Variants in GABRB3 observed in about 807,000 individuals in gnomAD.
The protein encoded by GABRB3 is gamma-aminobutyric acid receptor subunit beta-3.
GABRB3 carries 14 observed loss-of-function variants against 52.1 expected under a neutral mutation model. The ratio of observed to expected loss-of-function variants is 0.27; its 90% confidence interval spans 0.18 to 0.42. GABRB3 has a LOEUF of 0.42. GABRB3 is among the 10% of genes least tolerant of loss of function. GABRB3 has a pLI of 1.00. For missense variants in GABRB3, 307 were observed against 609.1 expected, an observed-to-expected ratio of 0.50 and a Z score of 5.22; for synonymous variants, 260 against 232.3, an observed-to-expected ratio of 1.12 and a Z score of -1.08.
chr15:26,711,530 A>G (rs981911053), intron 3 of GABRB3, among the ~76,000 whole-genome samples: 1 of 152,166 alleles, frequency 6.6e-6, no homozygotes. Flanking sequence ...TGTGTGCATG[A>G]GAGTGATTTT....
At chr15:26,618,090 C>T (rs1171207633) in intron 4 of GABRB3, among the ~76,000 whole-genome samples, 1 of 152,064 alleles carries the variant, frequency 6.6e-6, no homozygotes, top group Non-Finnish European at 1.5e-5. Flanking sequence ...GCCATACTGC[C>T]CAAGGTAATT....
chr15:26,738,072 G>C (rs1262116291), intron 3 of GABRB3, among the ~76,000 whole-genome samples: 1 of 151,772 alleles, frequency 6.6e-6, no homozygotes, highest in Admixed American at 6.6e-5. Context: ...TTTTTTTGTT[G>C]TCGTTGTTCT....
At chr15:26,763,312 A>C (rs577336791) in intron 3 of GABRB3, among the ~76,000 whole-genome samples, 22 of 152,264 alleles carry the variant, frequency 1.4e-4, no homozygotes, top group African/African-American at 4.6e-4. Flanking sequence ...GTTACGGTTA[A>C]TTTTTATGGG....
At chr15:26,744,331 G>A (rs1192312401) in intron 3 of GABRB3, among the ~76,000 whole-genome samples, 1 of 152,026 alleles carries the variant, frequency 6.6e-6, no homozygotes, top group African/African-American at 2.4e-5. Context: ...TTTTGGTTTT[G>A]TAATTTTTAA....
intron 3 of GABRB3, chr15:26,656,987 C>T (rs1158471601): frequency 6.6e-6 from 1 of 152,152 alleles, no homozygotes; most frequent in Non-Finnish European, 1.5e-5. Context: ...AAAGTAGCAC[C>T]CTTCCTTTCT....
rs746262322 is a variant in GABRB3, at chr15:26,772,429, G to A, written c.213C>T (p.Ser71=). Residue 71 remains serine (S), a synonymous_variant, in exon 3 of 9, where the codon AGC becomes AGT. Coordinates refer to ENST00000311550, the MANE Select transcript of GABRB3 (RefSeq NM_000814.6). ...VCVGMNIDIA[S]IDMVSEVNMD... ...TGTTGACTTCGGAAACCATGTCGATGCTGGCGATGTCGATGTTCATCCCCA... is the reference window on the plus strand; with the variant it reads ...TGTTGACTTCGGAAACCATGTCGATACTGGCGATGTCGATGTTCATCCCCA... 1.2e-6 allele frequency: 2 copies of A among 1,610,790 alleles called. No individual in the cohort carries two copies. Among genetic ancestry groups the A allele is most frequent in the Non-Finnish European group, 1.7e-6 (2 of 1,178,472 alleles).
intron 3 of GABRB3, among the ~76,000 whole-genome samples, chr15:26,732,296 GGA>G (rs1889946246): frequency 4.7e-5 from 2 of 42,666 alleles, no homozygotes; most frequent in African/African-American, 3.4e-4. Context: ...ATGGATAGAT[GGA>G]TGGATGGATG....
Position 26,772,944 on chromosome 15 carries a change from C to A in GABRB3, c.19G>T (p.Gly7Ter). The A allele has an allele frequency of 6.8e-7, 1 of 1,478,156 alleles. No homozygotes were observed. The highest frequency in any genetic ancestry group is 3.0e-5 in the East Asian group (1 of 33,200). The allele number at this position is 1,478,156 out of a possible 1,614,324, so 91.6% of individuals were successfully genotyped here. The part of the protein sequence containing the change: MWGLAG[G>*]RLFGIFSAPV... ...GCCGAGAAGATGCCGAAAAGCCTTC[C>A]TCCCGCAAGGCCCCACATCCCTCCG... The change falls in exon 1 of 9, where the codon GGA (glycine) becomes TGA (stop). Residue 7 changes from glycine to a stop codon, truncating the protein, a stop_gained. Transcript: ENST00000311550. LOFTEE classifies it high-confidence loss of function.
intron 4 of GABRB3, chr15:26,615,458 C>T: frequency 1.0e-6 from 1 of 986,790 alleles, no homozygotes; most frequent in Non-Finnish European, 1.2e-6. Flanking sequence ...CCCCAAGTTT[C>T]AAGCTCAAGG....
At chr15:26,713,720 C>T (rs745737285) in intron 3 of GABRB3, among the ~76,000 whole-genome samples, 3 of 152,210 alleles carry the variant, frequency 2.0e-5, no homozygotes, top group Non-Finnish European at 4.4e-5. Flanking sequence ...AGACAGCATG[C>T]TCCCCGTTTC....
intron 6 of GABRB3, among the ~76,000 whole-genome samples, chr15:26,578,919 T>A (rs760031854): frequency 5.1e-4 from 78 of 152,202 alleles, no homozygotes; most frequent in Non-Finnish European, 1.0e-4. Context: ...CTGGCTCTCA[T>A]TTCTCCCTGA....
chr15:26,602,830 T>C (rs1272423868), intron 4 of GABRB3, among the ~76,000 whole-genome samples: 2 of 151,826 alleles, frequency 1.3e-5, no homozygotes, highest in African/African-American at 4.8e-5. Flanking sequence ...TTCAACTAAA[T>C]AACCATTTCC....
intron 3 of GABRB3, among the ~76,000 whole-genome samples, chr15:26,748,884 GGCGTGGTGGTGT>G (rs1254876747): frequency 1.3e-5 from 2 of 152,072 alleles, no homozygotes; most frequent in Non-Finnish European, 2.9e-5. Context: ...AATTTAGCCA[GGCGTGGTGGTGT>G]GCACCTGGAG....
chr15:26,625,536 T>C, intron 3 of GABRB3: 1 of 975,768 alleles, frequency 1.0e-6, no homozygotes, highest in Non-Finnish European at 1.2e-6. Context: ...CAAGCCTGTC[T>C]GCAGAAACAG....
intron 3 of GABRB3, among the ~76,000 whole-genome samples, chr15:26,677,156 C>T (rs927018169): frequency 3.3e-5 from 5 of 152,124 alleles, no homozygotes; most frequent in African/African-American, 1.2e-4. Context: ...AATTTAAGTC[C>T]TTTAGATCAA....
intron 3 of GABRB3, among the ~76,000 whole-genome samples, chr15:26,771,132 T>C (rs1280031419): frequency 1.3e-5 from 2 of 152,238 alleles, no homozygotes; most frequent in African/African-American, 4.8e-5. Context: ...TCCTTAGTGG[T>C]AGGTATTTTA....
intron 3 of GABRB3, chr15:26,629,219 G>A (rs1595497109): frequency 7.0e-7 from 1 of 1,425,564 alleles, no homozygotes; most frequent in East Asian, 2.6e-5. Flanking sequence ...TCAGGGGCGG[G>A]GCCTGGAAAG....
intron 3 of GABRB3, among the ~76,000 whole-genome samples, chr15:26,740,609 C>T (rs1890178319): frequency 6.6e-6 from 1 of 152,128 alleles, no homozygotes; most frequent in South Asian, 2.1e-4. Flanking sequence ...CCCTCTGTCC[C>T]GTGGGCACCC....
rs1430749504 is a variant in GABRB3 at position 26,545,255 on chromosome 15, G to C, written c.*2538C>G. ...ACACTATTTATAGTATAGCTAATAT[G>C]TTAACTTCATCGCAGTGTCTACAAA... On this transcript the variant is annotated 3_prime_UTR_variant, in exon 9 of 9. Transcript: ENST00000311550. 1 of 151,970 alleles carries C rather than the reference G, an allele frequency of 6.6e-6. No homozygotes were observed. The highest frequency in any genetic ancestry group is 1.9e-4 in the East Asian group (1 of 5,168). 9.4% of individuals were successfully genotyped at this position (151,970 alleles called of 1,614,324 possible). A position where few individuals can be genotyped will look rare whatever the true frequency, so the allele number is the denominator to read the frequency against.
Sources: gnomAD v4.1 joint callset for allele counts (sites outside exome capture counted in the v4.1 genomes callset) on GRCh38, gnomAD v4.1.1 for gene constraint, MANE v1.5 for transcripts, NCBI Gene and HGNC (gene_info 2026-07-23, HGNC 2026-07-21) for gene names.